STRN3: variants seen among roughly 807,000 people sequenced by gnomAD.
The protein encoded by STRN3 is striatin 3.
STRN3 carries 29 observed loss-of-function variants against 95.6 expected under a neutral mutation model. That is an observed-to-expected ratio of 0.30 (90% CI 0.23 to 0.41). STRN3 has a LOEUF of 0.41. Ranked by LOEUF, STRN3 falls within the 10% of genes least tolerant of loss-of-function variation. The probability of loss-of-function intolerance (pLI) is 1.00; values close to 1 mark genes in which losing one functional copy is unlikely to be tolerated. For synonymous variants in STRN3, 331 were observed against 357.6 expected, an observed-to-expected ratio of 0.93 and a Z score of 0.84; for missense variants, 890 against 972.1, an observed-to-expected ratio of 0.92 and a Z score of 1.12.
intron 1 of STRN3, among the ~76,000 whole-genome samples, chr14:30,989,215 ACCTGCCCAG>A (rs1346527143): frequency 6.6e-6 from 1 of 152,150 alleles, no homozygotes; most frequent in African/African-American, 2.4e-5. Context: ...TGTTCTAGTA[ACCTGCCCAG>A]CCTGGACCCT....
chr14:30,938,930 T>C (rs1244547817), intron 5 of STRN3, among the ~76,000 whole-genome samples: 1 of 152,144 alleles, frequency 6.6e-6, no homozygotes, highest in Non-Finnish European at 1.5e-5. Flanking sequence ...GTCTCAGGTT[T>C]TTCCCTGCCT....
chr14:31,025,917 C>T lies in STRN3; in HGVS notation c.269G>A (p.Arg90Gln). ...EMERAHWEVE[R>Q]AELQARIAFL... ...CCAACGAGGTACCTGCAGTTCGGCC[C>T]GTTCCACCTCCCAGTGCGCCCGCTC... The change falls in exon 1 of 18, where the codon CGG becomes CAG. Residue 90 changes from arginine to glutamine, a missense_variant. Physicochemically the swap from Arg to Gln is conservative, Grantham distance 43. Coordinates refer to ENST00000357479, the MANE Select transcript of STRN3 (RefSeq NM_001083893.2). 6.2e-7 allele frequency: 1 copy of T among 1,601,272 alleles called. No individual in the cohort carries two copies. The highest frequency in any genetic ancestry group is 8.5e-7 in the Non-Finnish European group (1 of 1,174,308).
At chr14:30,947,614 C>A (rs1879428873) in intron 4 of STRN3, among the ~76,000 whole-genome samples, 1 of 152,012 alleles carries the variant, frequency 6.6e-6, no homozygotes. Flanking sequence ...CACACACACA[C>A]AAACACAACA....
Position 30,929,295 on chromosome 14 carries a change from G to T in STRN3, c.1005C>A (p.Ser335=), listed in dbSNP as rs1878359230. Residue 335 remains serine, a synonymous_variant, in exon 8 of 18, where the codon TCC becomes TCA. Transcript: ENST00000357479. ...DGTEWDKDDL[S]PTAEVWDVDQ... is the part of the protein sequence containing the mutation. ...CTACATCCCAAACCTCAGCAGTTGG[G>T]GAGAGGTCATCTTTATCTACATGCA... The T allele has an allele frequency of 1.9e-6, 3 of 1,613,192 alleles. No individual in the cohort carries two copies. The highest frequency in any genetic ancestry group is 1.3e-5 in the African/African-American group (1 of 74,808).
chr14:30,952,573 G>T (rs1275140455), intron 3 of STRN3, among the ~76,000 whole-genome samples: 1 of 151,906 alleles, frequency 6.6e-6, no homozygotes, highest in Non-Finnish European at 1.5e-5. Context: ...GGTGGCACGT[G>T]CCTGTAGTCC....
intron 1 of STRN3, among the ~76,000 whole-genome samples, chr14:31,003,261 CAAA>C (rs376981218): frequency 1.2e-5 from 1 of 82,578 alleles, no homozygotes. Flanking sequence ...ACTCTGTCTC[CAAA>C]AAAAAAAAAA....
chr14:30,901,924 T>TTGG (rs1285594579), intron 16 of STRN3, among the ~76,000 whole-genome samples: 1 of 151,748 alleles, frequency 6.6e-6, no homozygotes, highest in South Asian at 2.1e-4. Flanking sequence ...TCCCAGCACT[T>TTGG]TGGGAGGCCA....
chr14:30,912,537 A>T (rs1234580603), intron 10 of STRN3, among the ~76,000 whole-genome samples: 1 of 152,228 alleles, frequency 6.6e-6, no homozygotes, highest in African/African-American at 2.4e-5. Context: ...TATTACAAAT[A>T]TCCAACGGTA....
intron 7 of STRN3, among the ~76,000 whole-genome samples, chr14:30,934,737 TACTG>T (rs1217518690): frequency 2.6e-5 from 4 of 152,294 alleles, no homozygotes; most frequent in South Asian, 2.1e-4. Context: ...AATTTCTAAT[TACTG>T]ACTAATTACT....
intron 1 of STRN3, among the ~76,000 whole-genome samples, chr14:31,006,757 G>C (rs1205685655): frequency 4.6e-5 from 7 of 151,846 alleles, no homozygotes; most frequent in Non-Finnish European, 8.8e-5. Context: ...TCTAGAATCA[G>C]AACAGCATCA....
At chr14:30,949,630 G>A (rs1323528638) in intron 4 of STRN3, among the ~76,000 whole-genome samples, 3 of 151,874 alleles carry the variant, frequency 2.0e-5, no homozygotes, top group African/African-American at 7.3e-5. Context: ...GTGATAGTGA[G>A]CAGAGATTGT....
intron 5 of STRN3, among the ~76,000 whole-genome samples, chr14:30,941,525 A>G (rs1295887277): frequency 2.0e-5 from 3 of 152,214 alleles, no homozygotes; most frequent in Non-Finnish European, 4.4e-5. Context: ...GAAAACAAAA[A>G]TCACTGGTGG....
intron 10 of STRN3, 122 bp downstream of exon 10, chr14:30,913,402 C>A: frequency 1.8e-6 from 2 of 1,084,808 alleles, no homozygotes; most frequent in Non-Finnish European, 2.5e-6. Flanking sequence ...TTCAAATCAA[C>A]ACATTGACAC....
intron 5 of STRN3, among the ~76,000 whole-genome samples, chr14:30,938,628 C>A (rs143531224): frequency 5.9e-5 from 9 of 152,014 alleles, no homozygotes; most frequent in African/African-American, 1.7e-4. Flanking sequence ...ATTGGTCAAT[C>A]AGATTTCACC....
chr14:31,005,823 G>A (rs1882684005), intron 1 of STRN3, among the ~76,000 whole-genome samples: 2 of 152,146 alleles, frequency 1.3e-5, no homozygotes, highest in African/African-American at 4.8e-5. Flanking sequence ...TATAAGTACA[G>A]CTCAGAAAAC....
At chr14:30,969,039 G>A (rs1880691670) in intron 1 of STRN3, among the ~76,000 whole-genome samples, 1 of 152,132 alleles carries the variant, frequency 6.6e-6, no homozygotes, top group African/African-American at 2.4e-5. Context: ...AGCCAAAGAG[G>A]TATCATCCAG....
At chr14:30,909,353 T>C (rs1245619873) in intron 13 of STRN3, among the ~76,000 whole-genome samples, 1 of 151,648 alleles carries the variant, frequency 6.6e-6, no homozygotes, top group Admixed American at 6.6e-5. Context: ...ATACAAAAAT[T>C]AGTGCGGTGT....
At chr14:30,920,808 A>G (rs12896432) in intron 8 of STRN3, among the ~76,000 whole-genome samples, 31,701 of 152,054 alleles carry the variant, frequency 0.21, 3,786 homozygotes, top group Middle Eastern at 0.3. Context: ...TCACTCAGAA[A>G]CCACAAGTAG....
Position 30,929,291 on chromosome 14 carries a change from T to C in STRN3, c.1009A>G (p.Thr337Ala), listed in dbSNP as rs751409969. The C allele has an allele frequency of 5.4e-5, 87 of 1,613,472 alleles. No individual in the cohort carries two copies. In the Middle Eastern group the frequency reaches 1.2e-3, roughly 21 times the overall value. Residue 337 changes from threonine (T) to alanine (A), a missense_variant, in exon 8 of 18, where the codon ACT becomes GCT. This residue lies in a region of STRN3 where 526 missense variants were observed against 526.3 expected (regional missense o/e 1.00). Coordinates refer to ENST00000357479, the MANE Select transcript of STRN3 (RefSeq NM_001083893.2). ...TGGTCTACATCCCAAACCTCAGCAG[T>C]TGGGGAGAGGTCATCTTTATCTACA... ...TEWDKDDLSP[T>A]AEVWDVDQGL...
Sources: allele counts gnomAD v4.1 joint callset (sites outside exome capture counted in the v4.1 genomes callset), GRCh38; gene constraint gnomAD v4.1.1; regional missense constraint gnomAD v4.1.1; transcripts MANE v1.5; gene names NCBI Gene and HGNC (gene_info 2026-07-23, HGNC 2026-07-21).